The following SYNPO2 variants were observed in gnomAD, a reference collection of about 807,000 sequenced individuals.
SYNPO2 encodes the protein synaptopodin-2.
Under a neutral mutation model 85.0 loss-of-function variants are expected in SYNPO2, and 56 were observed. The ratio of observed to expected loss-of-function variants is 0.66; its 90% CI spans 0.53 to 0.82. The LOEUF is 0.82. Ranked by LOEUF, SYNPO2 falls within the 40% of genes least tolerant of loss-of-function variation. The pLI, the probability that SYNPO2 is intolerant of heterozygous loss-of-function variation, is 0.00. For missense variants in SYNPO2, 1,575 were observed against 1,534.2 expected (o/e 1.03, Z -0.44); for synonymous variants, 602 against 591.1 (o/e 1.02, Z -0.27).
chr4:118,878,152 C>T (rs1490152569), intron 1 of SYNPO2, among the ~76,000 whole-genome samples: 8 of 152,064 alleles, frequency 5.3e-5, no homozygotes, highest in Non-Finnish European at 1.0e-4. Context: ...GGGAGCTAAA[C>T]TTTGAGTACA....
intron 1 of SYNPO2, among the ~76,000 whole-genome samples, chr4:119,004,460 A>G (rs550034740): frequency 6.8e-6 from 1 of 146,068 alleles, no homozygotes; most frequent in Non-Finnish European, 1.5e-5. Context: ...CCCACCTATG[A>G]GTGAGAACAT....
At chr4:118,874,112 A>G (rs1382985428) in intron 1 of SYNPO2, among the ~76,000 whole-genome samples, 1 of 152,228 alleles carries the variant, frequency 6.6e-6, no homozygotes, top group East Asian at 1.9e-4. Flanking sequence ...TGTTTTGGCT[A>G]CTATAGCCTT....
At chr4:118,939,547 G>T (rs146920051) in intron 1 of SYNPO2, among the ~76,000 whole-genome samples, 75 of 152,304 alleles carry the variant, frequency 4.9e-4, no homozygotes, top group African/African-American at 1.7e-3. Flanking sequence ...CGTGAGAAAG[G>T]CAAGAGATTC....
chr4:118,980,548 G>A (rs561510325), intron 1 of SYNPO2, among the ~76,000 whole-genome samples: 11 of 151,926 alleles, frequency 7.2e-5, no homozygotes, highest in Admixed American at 1.3e-4. Flanking sequence ...TCATTCCACC[G>A]ACTGGACTAA....
rs547616761 is a variant in SYNPO2 at position 119,023,921 on chromosome 4, A to G, written c.257+340A>G. On this transcript the variant is annotated intron_variant, in intron 2 of 4. Coordinates refer to ENST00000307142, the MANE Select transcript of SYNPO2 (RefSeq NM_133477.3). ...TTTTGTGATGGATCAGAATCACTCA[A>G]TTGTAATTATCAGATGCACAGATGA... 6.4e-4 allele frequency among the ~76,000 whole-genome samples: 97 copies of G among 152,354 alleles called. 2 individuals carry two copies. In the South Asian group the frequency reaches 0.02, roughly 31 times the overall value.
chr4:118,937,666 C>T (rs1274918366), intron 1 of SYNPO2, among the ~76,000 whole-genome samples: 1 of 151,968 alleles, frequency 6.6e-6, no homozygotes, highest in East Asian at 1.9e-4. Context: ...AGTTTCTTCA[C>T]CTGTACAATA....
chr4:118,851,002 C>T (rs952222775), intron 1 of SYNPO2: 1 of 398,470 alleles, frequency 2.5e-6, no homozygotes, highest in African/African-American at 2.1e-5. Context: ...GAACTCATTA[C>T]TCATTATTGC....
intron 1 of SYNPO2, among the ~76,000 whole-genome samples, chr4:118,872,397 C>T (rs1731819302): frequency 6.6e-6 from 1 of 152,078 alleles, no homozygotes; most frequent in African/African-American, 2.4e-5. Context: ...GAACAAACTC[C>T]TATGACAACA....
chr4:118,877,135 T>G (rs1292698415), intron 1 of SYNPO2, among the ~76,000 whole-genome samples: 1 of 152,106 alleles, frequency 6.6e-6, no homozygotes, highest in Non-Finnish European at 1.5e-5. Flanking sequence ...GAATGAACTA[T>G]AAACTTAAAA....
intron 1 of SYNPO2, among the ~76,000 whole-genome samples, chr4:118,924,001 C>T (rs1733630729): frequency 6.6e-6 from 1 of 151,786 alleles, no homozygotes; most frequent in South Asian, 2.1e-4. Context: ...GAATAATTTG[C>T]ACTTTTATGT....
chr4:118,873,529 C>T (rs1731841842), intron 1 of SYNPO2, among the ~76,000 whole-genome samples: 1 of 152,016 alleles, frequency 6.6e-6, no homozygotes, highest in South Asian at 2.1e-4. Context: ...ATACCCTTTG[C>T]CCATTTTTAA....
rs1017580107 is a variant in SYNPO2 at position 119,058,866 on chromosome 4, A to C, written c.*932A>C. The C allele has an allele frequency of 2.6e-5, 4 of 152,220 alleles. No homozygotes were observed. The highest frequency in any genetic ancestry group is 2.6e-4 in the Admixed American group (4 of 15,282). 9.4% of individuals were successfully genotyped at this position (152,220 alleles called of 1,614,324 possible). ...GTTCTCAGAAAGAAATAAACACATG[A>C]GAATAAGATTATTACACATTTTGGA... On this transcript the variant is annotated 3_prime_UTR_variant, in exon 5 of 5. Coordinates refer to ENST00000307142, the MANE Select transcript of SYNPO2 (RefSeq NM_133477.3).
At chr4:119,002,359 C>T (rs1312684294) in intron 1 of SYNPO2, among the ~76,000 whole-genome samples, 1 of 152,132 alleles carries the variant, frequency 6.6e-6, no homozygotes, top group African/African-American at 2.4e-5. Flanking sequence ...CTCCCCAGTT[C>T]AAGCAATTCT....
At chr4:119,045,856 A>C (rs1738854586) in intron 4 of SYNPO2, among the ~76,000 whole-genome samples, 1 of 152,246 alleles carries the variant, frequency 6.6e-6, no homozygotes, top group African/African-American at 2.4e-5. Context: ...TTGTAGAGTG[A>C]CATACTTCTT....
At chr4:118,891,255 T>G (rs1485845447) in intron 1 of SYNPO2, among the ~76,000 whole-genome samples, 1 of 152,218 alleles carries the variant, frequency 6.6e-6, no homozygotes, top group Non-Finnish European at 1.5e-5. Context: ...CTTTTGTAGT[T>G]TGTGATACTA....
intron 1 of SYNPO2, among the ~76,000 whole-genome samples, chr4:118,866,280 C>T (rs1002675583): frequency 1.3e-5 from 2 of 152,042 alleles, no homozygotes; most frequent in African/African-American, 2.4e-5. Context: ...CAAGTAGGAA[C>T]GCCCTCCCAC....
intron 2 of SYNPO2, among the ~76,000 whole-genome samples, chr4:119,025,254 C>T (rs1170550001): frequency 1.3e-5 from 2 of 152,166 alleles, no homozygotes; most frequent in Non-Finnish European, 2.9e-5. Flanking sequence ...TAATCTACTT[C>T]CATCCCAAGG....
intron 1 of SYNPO2, among the ~76,000 whole-genome samples, chr4:118,956,906 G>A (rs991767437): frequency 2.6e-5 from 4 of 152,058 alleles, no homozygotes; most frequent in South Asian, 2.1e-4. Context: ...TTAGCCTGGT[G>A]TGGTGGTGGG....
intron 4 of SYNPO2, among the ~76,000 whole-genome samples, chr4:119,040,155 G>C (rs11098473): frequency 0.64 from 97,967 of 152,132 alleles, 32,016 homozygotes; most frequent in South Asian, 0.77. Context: ...TTCAACACAT[G>C]TTAGCTATTA....
Sources: allele counts gnomAD v4.1 joint callset (sites outside exome capture counted in the v4.1 genomes callset), GRCh38; gene constraint gnomAD v4.1.1; transcripts MANE v1.5; gene names NCBI Gene and HGNC (gene_info 2026-07-23, HGNC 2026-07-21).